The following MIPOL1 variants were observed in gnomAD, a reference collection of about 807,000 sequenced individuals.
The protein encoded by MIPOL1 is mirror-image polydactyly gene 1 protein.
A neutral mutation model predicts 60.9 loss-of-function variants in MIPOL1; 57 were observed. The observed-to-expected ratio is 0.94, with a 90% CI of 0.76 to 1.17. The LOEUF (loss-of-function observed/expected upper bound fraction) is 1.17, where lower values mean the gene tolerates loss of function less well. MIPOL1 is among the 50% of genes most tolerant of loss of function. MIPOL1 has a pLI of 0.00. For synonymous variants in MIPOL1, 179 were observed against 168.8 expected (o/e 1.06, Z -0.47); for missense variants, 551 against 511.6 (o/e 1.08, Z -0.74).
chr14:37,423,727 T>G (rs2093915512), intron 11 of MIPOL1: 1 of 152,160 alleles, frequency 6.6e-6, no homozygotes, highest in Non-Finnish European at 1.5e-5. Context: ...GAAAGATTTT[T>G]GTTTTAATTT....
At chr14:37,293,769 C>T (rs2085330540) in intron 7 of MIPOL1, among the ~76,000 whole-genome samples, 1 of 152,164 alleles carries the variant, frequency 6.6e-6, no homozygotes, top group Non-Finnish European at 1.5e-5. Flanking sequence ...GTGGGGGGTG[C>T]CCGCCATTGC....
intron 10 of MIPOL1, among the ~76,000 whole-genome samples, chr14:37,375,748 A>G (rs1305444575): frequency 6.8e-6 from 1 of 146,520 alleles, no homozygotes; most frequent in Middle Eastern, 3.2e-3. Context: ...TCTCTTCTCT[A>G]CTCTTCTCTT....
chr14:37,496,029 C>G (rs2153610247), intron 11 of MIPOL1, among the ~76,000 whole-genome samples: 1 of 151,506 alleles, frequency 6.6e-6, no homozygotes, highest in African/African-American at 2.4e-5. Flanking sequence ...TGGATATTAG[C>G]CCTTTGTCAG....
intron 7 of MIPOL1, among the ~76,000 whole-genome samples, chr14:37,296,166 A>T (rs1477062673): frequency 2.6e-5 from 4 of 152,268 alleles, no homozygotes; most frequent in Non-Finnish European, 5.9e-5. Context: ...AAAACTGCTC[A>T]GCTACGTGGA....
intron 9 of MIPOL1, among the ~76,000 whole-genome samples, chr14:37,363,153 C>T (rs2092341098): frequency 6.6e-6 from 1 of 152,108 alleles, no homozygotes; most frequent in African/African-American, 2.4e-5. Context: ...TGTTTCATTG[C>T]TGGTGAGGAG....
intron 3 of MIPOL1, among the ~76,000 whole-genome samples, chr14:37,257,758 C>T: frequency 6.6e-6 from 1 of 152,074 alleles, no homozygotes; most frequent in East Asian, 1.9e-4. Context: ...GGTTTAGGAA[C>T]AATGTAGCTA....
At chr14:37,481,613 C>CACACACA (rs2094871637) in intron 11 of MIPOL1, among the ~76,000 whole-genome samples, 2 of 72,022 alleles carry the variant, frequency 2.8e-5, no homozygotes, top group African/African-American at 5.6e-5. Context: ...ACACACACAC[C>CACACACA]GAAACCACAT....
intron 11 of MIPOL1, among the ~76,000 whole-genome samples, chr14:37,481,153 C>G (rs565729441): frequency 6.6e-6 from 1 of 151,892 alleles, no homozygotes; most frequent in Admixed American, 6.6e-5. Flanking sequence ...AGCAAAAACA[C>G]AAAAAACAAA....
chr14:37,389,954 A>G (rs2093188838), intron 10 of MIPOL1, among the ~76,000 whole-genome samples: 1 of 151,998 alleles, frequency 6.6e-6, no homozygotes, highest in African/African-American at 2.4e-5. Context: ...TAATCCCAAT[A>G]CTTTGGGAGG....
chr14:37,425,761 AAAG>A (rs1360902604), intron 11 of MIPOL1, among the ~76,000 whole-genome samples: 6 of 152,328 alleles, frequency 3.9e-5, no homozygotes, highest in South Asian at 4.1e-4. Flanking sequence ...CACTGAAACC[AAAG>A]AAGATTTCCC....
intron 6 of MIPOL1, among the ~76,000 whole-genome samples, chr14:37,272,057 A>C (rs2153393240): frequency 6.6e-6 from 1 of 151,658 alleles, no homozygotes. Context: ...ATAACATGGA[A>C]ATAATTTGAT....
At chr14:37,290,938 C>T (rs181806234) in intron 7 of MIPOL1, among the ~76,000 whole-genome samples, 11 of 152,256 alleles carry the variant, frequency 7.2e-5, no homozygotes, top group Admixed American at 5.9e-4. Flanking sequence ...AAGTTAGCTC[C>T]CACTTATGAG....
At chr14:37,538,149 G>A (rs917628096) in intron 12 of MIPOL1, among the ~76,000 whole-genome samples, 3 of 152,150 alleles carry the variant, frequency 2.0e-5, no homozygotes, top group Admixed American at 6.5e-5. Context: ...GCCATATAAT[G>A]AGCCTTGCAG....
At chr14:37,426,570 CAT>C (rs68123796) in intron 11 of MIPOL1, among the ~76,000 whole-genome samples, 27,286 of 85,662 alleles carry the variant, frequency 0.32, 4,243 homozygotes, top group Middle Eastern at 0.53. Flanking sequence ...TCAAAATATA[CAT>C]ATATATATAT....
chr14:37,363,868 A>G (rs1253380909), intron 9 of MIPOL1, among the ~76,000 whole-genome samples: 1 of 152,164 alleles, frequency 6.6e-6, no homozygotes, highest in Non-Finnish European at 1.5e-5. Flanking sequence ...GCCAAGCTGC[A>G]GCCTCACAGG....
intron 10 of MIPOL1, among the ~76,000 whole-genome samples, chr14:37,414,565 A>C (rs1285297446): frequency 6.6e-6 from 1 of 152,146 alleles, no homozygotes; most frequent in African/African-American, 2.4e-5. Flanking sequence ...GGTTTCTTAT[A>C]AGAAATTCAC....
intron 11 of MIPOL1, among the ~76,000 whole-genome samples, chr14:37,457,642 G>C (rs963775834): frequency 1.3e-5 from 2 of 152,092 alleles, no homozygotes; most frequent in Non-Finnish European, 2.9e-5. Context: ...CCACCATGCT[G>C]ATACACATGA....
chr14:37,546,172 C>G (rs2095546651), intron 12 of MIPOL1: 1 of 152,322 alleles, frequency 6.6e-6, no homozygotes, highest in Non-Finnish European at 1.5e-5. Context: ...GAACTTTCGA[C>G]TCTCTTTTCA....
intron 12 of MIPOL1, among the ~76,000 whole-genome samples, chr14:37,533,551 T>G (rs1594907681): frequency 6.6e-6 from 1 of 152,136 alleles, no homozygotes; most frequent in African/African-American, 2.4e-5. Flanking sequence ...AAGCCTTCAG[T>G]TGTAACTTAA....
Sources: allele counts gnomAD v4.1 joint callset (sites outside exome capture counted in the v4.1 genomes callset), GRCh38; gene constraint gnomAD v4.1.1; transcripts MANE v1.5; gene names NCBI Gene and HGNC (gene_info 2026-07-23, HGNC 2026-07-21).